Variants in MAGI3 observed in about 807,000 individuals in gnomAD.
MAGI3 encodes membrane associated guanylate kinase, WW and PDZ domain containing 3.
MAGI3 carries 43 observed loss-of-function variants against 121.8 expected under a neutral mutation model. That is an observed-to-expected ratio of 0.35 (90% confidence interval 0.28 to 0.46). MAGI3 has a LOEUF of 0.46. Among genes scored for constraint, MAGI3 ranks in the 20% least tolerant of loss-of-function variants. The probability of loss-of-function intolerance (pLI) is 1.00; values close to 1 mark genes in which losing one functional copy is unlikely to be tolerated. For synonymous variants in MAGI3, 553 were observed against 639.3 expected (o/e 0.86, Z 2.04); for missense variants, 1,547 against 1,797.3 (o/e 0.86, Z 2.52).
At chr1:113,554,474 G>C (rs1246425220) in intron 2 of MAGI3, among the ~76,000 whole-genome samples, 1 of 151,330 alleles carries the variant, frequency 6.6e-6, no homozygotes, top group East Asian at 1.9e-4. Context: ...GCAACCAGAT[G>C]ACAATGGGGA....
intron 6 of MAGI3, among the ~76,000 whole-genome samples, chr1:113,595,860 G>A (rs1460899791): frequency 6.6e-6 from 1 of 152,110 alleles, no homozygotes; most frequent in Non-Finnish European, 1.5e-5. Context: ...GTGAAACCCT[G>A]TCTCTACTAA....
At chr1:113,480,151 T>TG (rs1656041313) in intron 1 of MAGI3, among the ~76,000 whole-genome samples, 1 of 152,226 alleles carries the variant, frequency 6.6e-6, no homozygotes, top group Non-Finnish European at 1.5e-5. Context: ...TGTGGTGTCA[T>TG]ATTTCCCTGA....
chr1:113,406,243 C>T (rs1476243859), intron 1 of MAGI3, among the ~76,000 whole-genome samples: 1 of 146,152 alleles, frequency 6.8e-6, no homozygotes, highest in African/African-American at 2.5e-5. Flanking sequence ...AGTTTGAGAC[C>T]AGCCTGGGCA....
At chr1:113,568,804 A>G (rs534838808) in intron 2 of MAGI3, among the ~76,000 whole-genome samples, 21 of 152,224 alleles carry the variant, frequency 1.4e-4, no homozygotes, top group South Asian at 8.3e-4. Flanking sequence ...TTTGTGTTAA[A>G]GTCCTAGGTG....
intron 4 of MAGI3, among the ~76,000 whole-genome samples, chr1:113,587,270 T>C (rs1441165013): frequency 6.6e-6 from 1 of 152,230 alleles, no homozygotes; most frequent in Non-Finnish European, 1.5e-5. Context: ...CGATCTTGGC[T>C]CACTGCAATC....
chr1:113,581,415 T>C (rs1269032702), intron 3 of MAGI3, among the ~76,000 whole-genome samples: 2 of 152,170 alleles, frequency 1.3e-5, no homozygotes, highest in Non-Finnish European at 2.9e-5. Context: ...TGCATTTGTG[T>C]TCTATCCAAA....
chr1:113,503,355 T>A (rs1194565842), intron 1 of MAGI3, among the ~76,000 whole-genome samples: 1 of 136,354 alleles, frequency 7.3e-6, no homozygotes, highest in African/African-American at 2.9e-5. Context: ...TTGAACCAGA[T>A]TCGAGAAAAC....
intron 9 of MAGI3, among the ~76,000 whole-genome samples, chr1:113,640,603 A>G (rs1652396408): frequency 6.6e-6 from 1 of 152,072 alleles, no homozygotes; most frequent in Non-Finnish European, 1.5e-5. Context: ...GCTGGAAGCC[A>G]TCATCCTCAG....
intron 2 of MAGI3, among the ~76,000 whole-genome samples, chr1:113,559,612 G>A (rs924438198): frequency 6.7e-6 from 1 of 150,306 alleles, no homozygotes; most frequent in Non-Finnish European, 1.5e-5. Context: ...CTGTCGCCCA[G>A]GCTGAAGTGC....
Position 113,684,761 on chromosome 1 carries a change from T to G in MAGI3, c.*747T>G, listed in dbSNP as rs1557893279. 2 of 152,386 alleles carry G rather than the reference T, an allele frequency of 1.3e-5. No homozygotes were observed. Among genetic ancestry groups the G allele is most frequent in the African/African-American group, 4.8e-5 (2 of 41,466 alleles). The allele number at this position is 152,386 out of a possible 1,614,324, so 9.4% of individuals were successfully genotyped here. A position where few individuals can be genotyped will look rare whatever the true frequency, so the allele number is the denominator to read the frequency against. ...ATAGAGTTCATCTCCTGCTGTGTTA[T>G]CCAACCTCGATGTATACTTACAGCA... On this transcript the variant is annotated 3_prime_UTR_variant, in exon 21 of 21. Coordinates refer to ENST00000307546, the MANE Select transcript of MAGI3 (RefSeq NM_001142782.2).
At position 113,683,260 on chromosome 1, in the gene MAGI3, A is replaced by G; in HGVS notation, c.3692A>G (p.His1231Arg). 1 of 1,613,206 alleles carries G rather than the reference A, an allele frequency of 6.2e-7. No homozygotes were observed. Among genetic ancestry groups the G allele is most frequent in the South Asian group, 1.1e-5 (1 of 90,862 alleles). The change falls in exon 21 of 21, where the codon CAT becomes CGT. Residue 1231 changes from histidine to arginine, a missense_variant. Transcript: ENST00000307546. Reference protein sequence around the residue: ...SVSPKKPASQHSEEHLDKIPS... With the variant: ...SVSPKKPASQRSEEHLDKIPS... ...AGTCCCAAAAAGCCAGCCAGTCAAC[A>G]TTCAGAGGAACATTTGGATAAGATT... is the stretch of plus-strand genomic sequence containing the variant.
At chr1:113,617,135 C>G (rs916724866) in intron 7 of MAGI3, among the ~76,000 whole-genome samples, 2 of 152,062 alleles carry the variant, frequency 1.3e-5, no homozygotes, top group African/African-American at 4.8e-5. Flanking sequence ...GTGATCCACC[C>G]GCCTCGGCCT....
chr1:113,664,049 GTTAT>G (rs1022624754), intron 16 of MAGI3, among the ~76,000 whole-genome samples: 5 of 152,142 alleles, frequency 3.3e-5, no homozygotes, highest in Non-Finnish European at 5.9e-5. Flanking sequence ...TTATAACTCA[GTTAT>G]TTGTCTTTTT....
chr1:113,426,599 A>T (rs1273927299), intron 1 of MAGI3, among the ~76,000 whole-genome samples: 1 of 152,150 alleles, frequency 6.6e-6, no homozygotes, highest in Non-Finnish European at 1.5e-5. Context: ...ATTTAGAATT[A>T]TTATGTTTTC....
In MAGI3 at chr1:113,594,483, A is replaced by G. The variant is rs1370924389; in HGVS notation, c.941A>G (p.His314Arg). ...TDTGMIYFIDHNTKTTTWLDP... is the reference protein window; with the variant it reads ...TDTGMIYFIDRNTKTTTWLDP... ...TAATTAAAATCTTTATTCTACAGCC[A>G]CAATACCAAGACAACCACCTGGTTG... Residue 314 changes from histidine (H) to arginine (R), a missense_variant and splice_region_variant, in exon 6 of 21, where the codon CAC becomes CGC. Physicochemically the swap from His to Arg is conservative, Grantham distance 29. Transcript: ENST00000307546. 5 of 1,610,542 alleles carry G rather than the reference A, an allele frequency of 3.1e-6. No individual in the cohort carries two copies. Among genetic ancestry groups the G allele is most frequent in the Non-Finnish European group, 4.2e-6 (5 of 1,178,600 alleles).
intron 9 of MAGI3, among the ~76,000 whole-genome samples, chr1:113,626,549 G>A (rs568583307): frequency 6.6e-6 from 1 of 152,146 alleles, no homozygotes; most frequent in African/African-American, 2.4e-5. Context: ...TCCTTTAAAT[G>A]CTTGGTAGAA....
chr1:113,448,578 C>T (rs1449928609), intron 1 of MAGI3, among the ~76,000 whole-genome samples: 2 of 152,162 alleles, frequency 1.3e-5, no homozygotes, highest in Non-Finnish European at 2.9e-5. Context: ...TGTGACATGC[C>T]TCCTCAGATT....
chr1:113,476,469 TTTG>T (rs1655825875), intron 1 of MAGI3, among the ~76,000 whole-genome samples: 1 of 152,224 alleles, frequency 6.6e-6, no homozygotes, highest in Non-Finnish European at 1.5e-5. Flanking sequence ...CTGCCTTCAT[TTTG>T]TTATTTACCC....
At chr1:113,572,273 A>G (rs907610089) in intron 2 of MAGI3, among the ~76,000 whole-genome samples, 14 of 152,164 alleles carry the variant, frequency 9.2e-5, no homozygotes, top group Non-Finnish European at 2.1e-4. Flanking sequence ...GAGCTTTTCT[A>G]TGTGCTGCTG....
Sources: gnomAD v4.1 joint callset for allele counts (sites outside exome capture counted in the v4.1 genomes callset) on GRCh38, gnomAD v4.1.1 for gene constraint, MANE v1.5 for transcripts, NCBI Gene and HGNC (gene_info 2026-07-23, HGNC 2026-07-21) for gene names.